Variants in VTI1A observed in about 807,000 individuals in gnomAD.
VTI1A encodes vesicle transport through interaction with t-SNAREs 1A.
A neutral mutation model predicts 34.9 loss-of-function variants in VTI1A; 22 were observed. The observed-to-expected ratio is 0.63, with a 90% CI of 0.45 to 0.90. The LOEUF is 0.90. Ranked by LOEUF, VTI1A falls within the 40% of genes least tolerant of loss-of-function variation. The pLI is 0.00. For missense variants in VTI1A, 268 were observed against 275.6 expected (o/e 0.97, Z 0.20); for synonymous variants, 87 against 97.3 (o/e 0.89, Z 0.62).
At chr10:112,642,329 A>G (rs949158484) in intron 5 of VTI1A, among the ~76,000 whole-genome samples, 4 of 152,200 alleles carry the variant, frequency 2.6e-5, no homozygotes, top group African/African-American at 9.6e-5. Context: ...GGAACTCCGC[A>G]CAAAATGTCT....
intron 7 of VTI1A, among the ~76,000 whole-genome samples, chr10:112,699,040 C>A (rs1482774662): frequency 6.6e-6 from 1 of 152,222 alleles, no homozygotes; most frequent in Non-Finnish European, 1.5e-5. Context: ...TTATTTTCCA[C>A]CCCAGCCAAT....
intron 5 of VTI1A, among the ~76,000 whole-genome samples, chr10:112,581,761 A>T (rs1262689512): frequency 6.6e-6 from 1 of 152,160 alleles, no homozygotes. Flanking sequence ...TAAGGGGCAA[A>T]TTGAAGAGGG....
intron 5 of VTI1A, among the ~76,000 whole-genome samples, chr10:112,582,240 G>A (rs1051228276): frequency 2.0e-5 from 3 of 152,052 alleles, no homozygotes; most frequent in Non-Finnish European, 2.9e-5. Flanking sequence ...CTTCTTATGC[G>A]GGCACTAATC....
chr10:112,551,398 T>C (rs558849438), intron 5 of VTI1A, among the ~76,000 whole-genome samples: 1 of 152,138 alleles, frequency 6.6e-6, no homozygotes, highest in South Asian at 2.1e-4. Context: ...TCTAAGAAAT[T>C]AGGATTGGAT....
intron 3 of VTI1A, among the ~76,000 whole-genome samples, chr10:112,507,527 T>C (rs989192951): frequency 6.6e-6 from 1 of 152,174 alleles, no homozygotes; most frequent in Non-Finnish European, 1.5e-5. Context: ...ATGCCTCAGA[T>C]AGGTTTCCAT....
intron 7 of VTI1A, among the ~76,000 whole-genome samples, chr10:112,678,567 G>A (rs1312402180): frequency 6.6e-6 from 1 of 152,154 alleles, no homozygotes; most frequent in East Asian, 1.9e-4. Flanking sequence ...TCGAGAGTTA[G>A]GGCTTCTCCC....
intron 5 of VTI1A, among the ~76,000 whole-genome samples, chr10:112,645,850 C>T (rs74158747): frequency 0.013 from 1,912 of 151,254 alleles, 39 homozygotes; most frequent in African/African-American, 0.042. Flanking sequence ...TTCACTTGAT[C>T]ATTTATTTAT....
At chr10:112,740,285 T>A (rs1850646899) in intron 7 of VTI1A, among the ~76,000 whole-genome samples, 1 of 148,470 alleles carries the variant, frequency 6.7e-6, no homozygotes, top group Non-Finnish European at 1.5e-5. Context: ...GTGAACACTT[T>A]CTTTCTTTCT....
At chr10:112,787,027 G>A (rs1321576874) in intron 7 of VTI1A, among the ~76,000 whole-genome samples, 1 of 152,114 alleles carries the variant, frequency 6.6e-6, no homozygotes, top group Non-Finnish European at 1.5e-5. Flanking sequence ...TAAGCCATCT[G>A]GTCCTGGGCT....
intron 7 of VTI1A, among the ~76,000 whole-genome samples, chr10:112,756,401 G>A (rs1590156152): frequency 6.6e-6 from 1 of 152,222 alleles, no homozygotes; most frequent in East Asian, 1.9e-4. Context: ...TTTACACTTA[G>A]GCAGGCTGGC....
intron 7 of VTI1A, among the ~76,000 whole-genome samples, chr10:112,759,053 C>G (rs762470101): frequency 6.6e-6 from 1 of 152,164 alleles, no homozygotes; most frequent in Non-Finnish European, 1.5e-5. Context: ...CCTGTTCCCT[C>G]CCAGGCCTCC....
rs370288412 is a variant in VTI1A at position 112,589,888 on chromosome 10, G to A, written c.427+51558G>A. On this transcript the variant is annotated intron_variant, in intron 5 of 7. Coordinates refer to ENST00000393077, the MANE Select transcript of VTI1A (RefSeq NM_145206.4). ...CAGAAGAGAGAATATTTTATGTTAA[G>A]AAAGCCTGAATTTATTTCATGGGAA... Among the ~76,000 whole-genome samples the A allele has an allele frequency of 2.6e-5, 4 of 152,298 alleles. No individual in the cohort carries two copies. In the East Asian group the frequency reaches 7.7e-4, roughly 29 times the overall value.
At chr10:112,560,144 A>G (rs1313277639) in intron 5 of VTI1A, among the ~76,000 whole-genome samples, 5 of 152,166 alleles carry the variant, frequency 3.3e-5, no homozygotes, top group Non-Finnish European at 7.4e-5. Flanking sequence ...ATGTTTAGTA[A>G]TGGGTGTACT....
rs1005484829 is a variant in VTI1A at position 112,818,285 on chromosome 10, A to C, written c.*2902A>C. 1 of 233,006 alleles carries C rather than the reference A, an allele frequency of 4.3e-6. No homozygotes were observed. 14.4% of individuals were successfully genotyped at this position (233,006 alleles called of 1,614,324 possible). A position where few individuals can be genotyped will look rare whatever the true frequency, so the allele number is the denominator to read the frequency against. On this transcript the variant is annotated 3_prime_UTR_variant, in exon 8 of 8. Coordinates refer to ENST00000393077, the MANE Select transcript of VTI1A (RefSeq NM_145206.4). ...AGGGTTATCATTAAGTAAAGAAATA[A>C]AGAGGGGGAAAAAAGCCTGCCTGTT...
At chr10:112,478,674 A>G (rs892991870) in intron 3 of VTI1A, among the ~76,000 whole-genome samples, 2 of 152,200 alleles carry the variant, frequency 1.3e-5, no homozygotes, top group Admixed American at 6.5e-5. Flanking sequence ...TCACTCTATG[A>G]TAGTAGAGTC....
intron 7 of VTI1A, among the ~76,000 whole-genome samples, chr10:112,792,650 T>C (rs773649783): frequency 6.6e-6 from 1 of 152,098 alleles, no homozygotes; most frequent in African/African-American, 2.4e-5. Flanking sequence ...AAAAACCGAG[T>C]CAAGATACGG....
intron 7 of VTI1A, among the ~76,000 whole-genome samples, chr10:112,725,749 T>G (rs1167166480): frequency 6.6e-6 from 1 of 152,222 alleles, no homozygotes; most frequent in African/African-American, 2.4e-5. Flanking sequence ...GTTTTCAGAT[T>G]ATTGAATGGC....
At position 112,700,996 on chromosome 10, in the gene VTI1A, G is replaced by A. The variant is rs1848989841; in HGVS notation, c.560+31998G>A. On this transcript the variant is annotated intron_variant, in intron 7 of 7. Coordinates refer to ENST00000393077, the MANE Select transcript of VTI1A (RefSeq NM_145206.4). ...ATTTCTCTTCTGTGGGTTTTAGGTT[G>A]CAAAGAGAGTTAATGGATGCTAAAT... 2.0e-5 allele frequency among the ~76,000 whole-genome samples: 3 copies of A among 152,212 alleles called. No individual in the cohort carries two copies. The South Asian group carries it at 6.2e-4, about 32-fold the overall frequency.
At chr10:112,506,808 T>C (rs946237272) in intron 3 of VTI1A, among the ~76,000 whole-genome samples, 1 of 152,216 alleles carries the variant, frequency 6.6e-6, no homozygotes, top group Non-Finnish European at 1.5e-5. Flanking sequence ...AGGAGGTAAA[T>C]TCTTGCAGCT....
Sources: gnomAD v4.1 joint callset for allele counts (sites outside exome capture counted in the v4.1 genomes callset) on GRCh38, gnomAD v4.1.1 for gene constraint, MANE v1.5 for transcripts, NCBI Gene and HGNC (gene_info 2026-07-23, HGNC 2026-07-21) for gene names.